RBM5: variants seen among roughly 807,000 people sequenced by gnomAD.
RBM5 encodes RNA binding motif protein 5, also known as RNA-binding protein 5.
In RBM5, 15 loss-of-function variants were observed where a neutral mutation model predicts 124.6. That is an observed-to-expected ratio of 0.12 (90% CI 0.08 to 0.19). The LOEUF (loss-of-function observed/expected upper bound fraction) is 0.19, where lower values mean the gene tolerates loss of function less well. RBM5 is among the 10% of genes least tolerant of loss of function. RBM5 has a pLI of 1.00. For synonymous variants in RBM5, 337 were observed against 361.2 expected, an observed-to-expected ratio of 0.93 and a Z score of 0.76; for missense variants, 580 against 1,026.5, an observed-to-expected ratio of 0.57 and a Z score of 5.94.
intron 7 of RBM5, among the ~76,000 whole-genome samples, chr3:50,103,515 T>G (rs2090978866): frequency 6.6e-6 from 1 of 151,958 alleles, no homozygotes; most frequent in African/African-American, 2.4e-5. Flanking sequence ...GGCATCACGG[T>G]GCGCGCCTGT....
intron 12 of RBM5, 105 bp downstream of exon 12, chr3:50,107,674 T>A (rs1244603798): frequency 3.6e-5 from 5 of 139,062 alleles, no homozygotes; most frequent in East Asian, 2.0e-4. Context: ...TTTCTTTTCT[T>A]TTTTTTTTTT....
intron 24 of RBM5, 198 bp from the exon 25 acceptor site, chr3:50,118,133 C>A: frequency 1.4e-6 from 1 of 691,444 alleles, no homozygotes; most frequent in Non-Finnish European, 2.3e-6. Context: ...GCTTCATCTG[C>A]CTGTGTTCCG....
rs1191061640 is a variant in RBM5, at chr3:50,118,666, CT to C, written c.*212del. ...AATGGCCTTCCTTCCCGCCAGAGGG[CT>C]TGTGAACAGACCGGAGAGGACAGTG... On this transcript the variant is annotated 3_prime_UTR_variant, in exon 25 of 25. Transcript: ENST00000347869. 20 of 690,256 alleles carry C rather than the reference CT, an allele frequency of 2.9e-5. No homozygotes were observed. In the African/African-American group the frequency reaches 3.6e-4, roughly 12 times the overall value. The allele number at this position is 690,256 out of a possible 1,614,324, so 42.8% of individuals were successfully genotyped here.
chr3:50,107,026 C>T (rs1035810623), intron 11 of RBM5, 162 bp downstream of exon 11: 13 of 717,690 alleles, frequency 1.8e-5, no homozygotes, highest in African/African-American at 3.5e-5. Context: ...AGTGATTATT[C>T]CCTACTGTCC....
intron 10 of RBM5, among the ~76,000 whole-genome samples, chr3:50,106,021 C>T (rs1037066972): frequency 6.7e-6 from 1 of 150,120 alleles, no homozygotes; most frequent in Non-Finnish European, 1.5e-5. Flanking sequence ...GGCACCATCT[C>T]GGATCACTGC....
rs1321330752 is a variant in RBM5 at position 50,093,007 on chromosome 3, T to G, written c.184-713T>G. 1.6e-5 allele frequency: 4 copies of G among 244,816 alleles called. No individual in the cohort carries two copies. The East Asian group carries it at 4.7e-4, about 29-fold the overall frequency. 15.2% of individuals were successfully genotyped at this position (244,816 alleles called of 1,614,324 possible). A position where few individuals can be genotyped will look rare whatever the true frequency, so the allele number is the denominator to read the frequency against. ...TTTAGTCTTGTCACCCAGGCTGGAG[T>G]GCAGTGGTGCGACCTCAGCTACTCA... On this transcript the variant is annotated intron_variant, in intron 3 of 24. Transcript: ENST00000347869.
intron 7 of RBM5, 81 bp from the exon 8 acceptor site, chr3:50,104,167 T>TA (rs2090992290): frequency 2.6e-6 from 3 of 1,163,706 alleles, no homozygotes; most frequent in Non-Finnish European, 3.8e-6. Context: ...TACTGGGACC[T>TA]ACCCGTGGCC....
intron 21 of RBM5, 100 bp from the exon 22 acceptor site, chr3:50,115,806 G>A (rs1361071990): frequency 1.4e-5 from 18 of 1,279,342 alleles, no homozygotes; most frequent in Non-Finnish European, 1.9e-5. Flanking sequence ...TGTATTGTTT[G>A]GGCTTTGGCT....
rs376533995 is a variant in RBM5, at chr3:50,117,367, G to A, written c.2310G>A (p.Thr770=). Reference sequence around the variant, plus strand: ...TGGGACGAAAGTGTCAAGGCATTACGGCTCCCATTGAGGTAAGCAGTGGGG... The same window carrying A: ...TGGGACGAAAGTGTCAAGGCATTACAGCTCCCATTGAGGTAAGCAGTGGGG... ...SGLGRKCQGI[T]APIEAQVRLK... is the part of the protein sequence containing the mutation. Residue 770 remains threonine (T), a synonymous_variant, in exon 24 of 25, where the codon ACG becomes ACA. Transcript: ENST00000347869. This position sits in a 1 kb window ranked among gnomAD's most constrained non-coding sequence, Gnocchi z 4.2. 13 of 1,613,926 alleles carry A rather than the reference G, an allele frequency of 8.1e-6. No homozygotes were observed. The highest frequency in any genetic ancestry group is 3.3e-5 in the South Asian group (3 of 91,068).
At chr3:50,113,624 A>C in intron 18 of RBM5, 80 bp downstream of exon 18, 3 of 1,404,340 alleles carry the variant, frequency 2.1e-6, no homozygotes, top group Non-Finnish European at 2.9e-6. Flanking sequence ...TTATGTCAGT[A>C]TTATTTGGAT....
At chr3:50,090,575 T>C (rs2090685886) in intron 2 of RBM5, 124 bp downstream of exon 2, 3 of 1,079,190 alleles carry the variant, frequency 2.8e-6, no homozygotes, top group Admixed American at 4.0e-5. Flanking sequence ...CGAACACCTT[T>C]ATGATCCTGT....
In RBM5 at chr3:50,117,527, T is replaced by C. The variant is rs2091277501; in HGVS notation, c.2322+148T>C. 7 of 1,157,166 alleles carry C rather than the reference T, an allele frequency of 6.0e-6. No homozygotes were observed. The highest frequency in any genetic ancestry group is 2.5e-5 in the East Asian group (1 of 39,656). The allele number at this position is 1,157,166 out of a possible 1,614,324, so 71.7% of individuals were successfully genotyped here. On this transcript the variant is annotated intron_variant, in intron 24 of 24. Transcript: ENST00000347869. The surrounding 1 kb of genome is among the most constrained non-coding windows in gnomAD (Gnocchi z 4.2). The stretch of plus-strand genomic sequence containing the variant: ...TACAGGCATGAGCTCACACCTGTAA[T>C]CCCAGCACTTTGGGAGGCCGAGGAG...
chr3:50,115,536 C>T lies in RBM5; in HGVS notation c.1948C>T (p.Leu650=). 1.2e-6 allele frequency: 2 copies of T among 1,614,004 alleles called. No individual in the cohort carries two copies. The highest frequency in any genetic ancestry group is 1.7e-6 in the Non-Finnish European group (2 of 1,180,010). Residue 650 remains leucine, a synonymous_variant, in exon 21 of 25, where the codon CTG becomes TTG. Transcript: ENST00000347869. The part of the protein sequence containing the change: ...KLADWKKMAC[L]LCRRQFPNKD... Reference sequence around the variant, plus strand: ...AGCTGACTGGAAGAAGATGGCCTGTCTGCTCTGCCGGCGCCAGTTCCCGAA... The same window carrying T: ...AGCTGACTGGAAGAAGATGGCCTGTTTGCTCTGCCGGCGCCAGTTCCCGAA...
In RBM5 at chr3:50,117,133, A is replaced by G; in HGVS notation, c.2154A>G (p.Pro718=). The G allele has an allele frequency of 6.2e-7, 1 of 1,614,222 alleles. No homozygotes were observed. Among genetic ancestry groups the G allele is most frequent in the Non-Finnish European group, 8.5e-7 (1 of 1,180,038 alleles). ...AGAAGTACGGCATTCCAGAACCTCC[A>G]GAGCCCAAGCGCAAGAAGCAGTTTG... ...RREKYGIPEP[P]EPKRKKQFDA... Residue 718 remains proline (P), a synonymous_variant, in exon 23 of 25, where the codon CCA becomes CCG. Transcript: ENST00000347869. The surrounding 1 kb of genome is among the most constrained non-coding windows in gnomAD (Gnocchi z 4.2).
chr3:50,116,697 AT>A (rs2091258653), intron 22 of RBM5: 4 of 294,878 alleles, frequency 1.4e-5, no homozygotes, highest in South Asian at 1.3e-4. Context: ...TGTTGGAGGT[AT>A]GCCTTTCCAA....
intron 10 of RBM5, 90 bp downstream of exon 10, chr3:50,105,799 C>T (rs2091016354): frequency 1.4e-6 from 2 of 1,404,674 alleles, no homozygotes; most frequent in African/African-American, 2.9e-5. Context: ...TCTGAGGCTC[C>T]TAAAGCCCAA....
Position 50,117,666 on chromosome 3 carries a change from A to G in RBM5, c.2322+287A>G, listed in dbSNP as rs1407408698. The G allele has an allele frequency of 3.8e-6, 1 of 262,020 alleles. No individual in the cohort carries two copies. Among genetic ancestry groups the G allele is most frequent in the Admixed American group, 4.8e-5 (1 of 20,992 alleles). The allele number at this position is 262,020 out of a possible 1,614,324, so 16.2% of individuals were successfully genotyped here. A position where few individuals can be genotyped will look rare whatever the true frequency, so the allele number is the denominator to read the frequency against. ...CGTGGCAGCGTGTGCCTGTAATCCC[A>G]GCTAGTCAGGAAGCTGAGGCAGGAG... On this transcript the variant is annotated intron_variant, in intron 24 of 24. Coordinates refer to ENST00000347869, the MANE Select transcript of RBM5 (RefSeq NM_005778.4). This position sits in a 1 kb window ranked among gnomAD's most constrained non-coding sequence, Gnocchi z 4.2.
Position 50,107,056 on chromosome 3 carries a change from G to T in RBM5, c.953+192G>T, listed in dbSNP as rs757143153. 2.1e-4 allele frequency: 148 copies of T among 698,478 alleles called. 4 individuals carry two copies. The South Asian group carries it at 2.2e-3, about 10-fold the overall frequency. The allele number at this position is 698,478 out of a possible 1,614,324, so 43.3% of individuals were successfully genotyped here. On this transcript the variant is annotated intron_variant, in intron 11 of 24. Transcript: ENST00000347869. Reference sequence around the variant, plus strand: ...CTGTCCTGTGTAACCAGTTGATGAAGTTGCCTGAAATGGTTTCAGATCAGG... The same window carrying T: ...CTGTCCTGTGTAACCAGTTGATGAATTTGCCTGAAATGGTTTCAGATCAGG...
At chr3:50,113,108 C>T (rs2091178348) in intron 17 of RBM5, 1 of 225,758 alleles carries the variant, frequency 4.4e-6, no homozygotes, top group South Asian at 7.6e-5. Flanking sequence ...CCCACCACCA[C>T]CTCCCAAAGT....
Sources: gnomAD v4.1 joint callset for allele counts (sites outside exome capture counted in the v4.1 genomes callset) on GRCh38, gnomAD v4.1.1 for gene constraint, Gnocchi (gnomAD v3.1) non-coding constraint, MANE v1.5 for transcripts, NCBI Gene and HGNC (gene_info 2026-07-23, HGNC 2026-07-21) for gene names.